The following TANC1 variants were observed in gnomAD, a reference collection of about 807,000 sequenced individuals.
TANC1 encodes the protein protein TANC1.
TANC1 carries 77 observed loss-of-function variants against 149.7 expected under a neutral mutation model. That is an observed-to-expected ratio of 0.51 (90% CI 0.43 to 0.62). The LOEUF (loss-of-function observed/expected upper bound fraction) is 0.62. TANC1 is among the 20% of genes least tolerant of loss of function. The pLI, the probability that TANC1 is intolerant of heterozygous loss-of-function variation, is 0.00. For synonymous variants in TANC1, 854 were observed against 925.0 expected (o/e 0.92, Z 1.39); for missense variants, 1,985 against 2,321.8 (o/e 0.85, Z 2.98).
chr2:158,985,718 A>G (rs1024768181), intron 1 of TANC1, among the ~76,000 whole-genome samples: 1 of 151,772 alleles, frequency 6.6e-6, no homozygotes, highest in Non-Finnish European at 1.5e-5. Context: ...ATCTCGGTTC[A>G]CTACAGCCTC....
Position 159,007,521 on chromosome 2 carries a change from G to T in TANC1, c.-16+6332G>T, listed in dbSNP as rs115819015. Among the ~76,000 whole-genome samples the T allele has an allele frequency of 4.8e-3, 729 of 152,226 alleles. 5 individuals are homozygous for T. The highest frequency in any genetic ancestry group is 0.017 in the African/African-American group (703 of 41,528). On this transcript the variant is annotated intron_variant, in intron 2 of 26. Transcript: ENST00000263635. ...TACTATTGTTTTACAGTTGCCTACA[G>T]TATTCACTACAGTAGCATGCTGTAT...
chr2:159,045,687 T>C (rs578050573), intron 2 of TANC1, among the ~76,000 whole-genome samples: 1 of 152,182 alleles, frequency 6.6e-6, no homozygotes, highest in African/African-American at 2.4e-5. Flanking sequence ...GGAGTAAACT[T>C]ATAAACCTCT....
At chr2:158,989,246 T>G (rs1039671231) in intron 1 of TANC1, among the ~76,000 whole-genome samples, 2 of 152,130 alleles carry the variant, frequency 1.3e-5, no homozygotes, top group African/African-American at 4.8e-5. Flanking sequence ...AGGTCGCTCA[T>G]GCCTATAATT....
At chr2:159,006,701 G>A (rs186147875) in intron 2 of TANC1, among the ~76,000 whole-genome samples, 204 of 152,278 alleles carry the variant, frequency 1.3e-3, no homozygotes, top group Middle Eastern at 3.4e-3. Flanking sequence ...ATCTAGAAGA[G>A]GAGACCCACA....
At chr2:159,207,721 AAAAAAAC>A (rs1259641323) in intron 19 of TANC1, among the ~76,000 whole-genome samples, 27 of 145,440 alleles carry the variant, frequency 1.9e-4, no homozygotes, top group African/African-American at 6.5e-4. Context: ...AAAAAAAAAA[AAAAAAAC>A]AACTCAGACT....
intron 2 of TANC1, among the ~76,000 whole-genome samples, chr2:159,011,344 A>C (rs553276937): frequency 3.9e-5 from 6 of 152,084 alleles, no homozygotes; most frequent in Non-Finnish European, 5.9e-5. Context: ...ACAAAAAAAA[A>C]CCTTTTTTAA....
chr2:159,099,327 CTT>C (rs2046431884), intron 4 of TANC1, among the ~76,000 whole-genome samples: 2 of 152,082 alleles, frequency 1.3e-5, no homozygotes, highest in Admixed American at 1.3e-4. Context: ...TGCTGTATCT[CTT>C]TGTCACATTT....
intron 5 of TANC1, 101 bp from the exon 6 acceptor site, chr2:159,149,041 C>CA (rs2052472451): frequency 7.3e-7 from 1 of 1,377,708 alleles, no homozygotes; most frequent in Non-Finnish European, 9.8e-7. Context: ...TATAGAAACA[C>CA]ACAAAATCAC....
In TANC1 at chr2:159,001,819, T is replaced by C. The variant is rs1278107999; in HGVS notation, c.-16+630T>C. Reference sequence around the variant, plus strand: ...GATCCTCACACTCCAAAGCCCTTGCTTGTAATTGTTAGGGAATTGAACAGT... The same window carrying C: ...GATCCTCACACTCCAAAGCCCTTGCCTGTAATTGTTAGGGAATTGAACAGT... On this transcript the variant is annotated intron_variant, in intron 2 of 26. Transcript: ENST00000263635. This position sits in a 1 kb window ranked among gnomAD's most constrained non-coding sequence, Gnocchi z 4.3. Among the ~76,000 whole-genome samples the C allele has an allele frequency of 7.2e-5, 11 of 152,118 alleles. No individual in the cohort carries two copies. The highest frequency in any genetic ancestry group is 7.2e-4 in the Admixed American group (11 of 15,268).
intron 2 of TANC1, among the ~76,000 whole-genome samples, chr2:159,013,007 G>A (rs947505795): frequency 1.3e-5 from 2 of 152,044 alleles, no homozygotes; most frequent in African/African-American, 2.4e-5. Context: ...ATATTAGGGG[G>A]ATGTATGTGT....
At chr2:159,228,188 G>T (rs373832901) in intron 25 of TANC1, 17 of 532,896 alleles carry the variant, frequency 3.2e-5, no homozygotes, top group Non-Finnish European at 5.2e-5. Context: ...CTTGGGTTTC[G>T]TTTCCTTGGC....
chr2:159,154,308 G>T (rs1440241564), intron 7 of TANC1, among the ~76,000 whole-genome samples: 1 of 152,200 alleles, frequency 6.6e-6, no homozygotes, highest in South Asian at 2.1e-4. Flanking sequence ...TTCGCATCAT[G>T]TTGGTTATAT....
intron 2 of TANC1, among the ~76,000 whole-genome samples, chr2:159,054,379 C>T (rs1263007662): frequency 1.3e-5 from 2 of 152,150 alleles, no homozygotes; most frequent in Admixed American, 6.5e-5. Context: ...ATAAGGGGTG[C>T]TGGCTGCACA....
At chr2:159,198,247 C>T (rs2058009194) in intron 18 of TANC1, among the ~76,000 whole-genome samples, 1 of 152,254 alleles carries the variant, frequency 6.6e-6, no homozygotes, top group Admixed American at 6.5e-5. Context: ...TTCATAATCA[C>T]ATCTGCAATT....
intron 3 of TANC1, among the ~76,000 whole-genome samples, chr2:159,096,212 T>C (rs11692042): frequency 0.25 from 37,770 of 151,756 alleles, 5,984 homozygotes; most frequent in Non-Finnish European, 0.37. Flanking sequence ...TCTTAGTACA[T>C]ACTAACGAGC....
intron 19 of TANC1, among the ~76,000 whole-genome samples, chr2:159,206,895 C>G (rs991988934): frequency 6.6e-6 from 1 of 152,010 alleles, no homozygotes; most frequent in South Asian, 2.1e-4. Context: ...GGTGTGTAAC[C>G]CAGCCTTCCA....
At chr2:159,114,149 G>A (rs990425361) in intron 4 of TANC1, among the ~76,000 whole-genome samples, 1 of 152,186 alleles carries the variant, frequency 6.6e-6, no homozygotes, top group Non-Finnish European at 1.5e-5. Context: ...TTTTAGAGGA[G>A]TGTGAAAAGC....
intron 8 of TANC1, among the ~76,000 whole-genome samples, chr2:159,163,944 A>AT (rs1333064415): frequency 6.6e-6 from 1 of 152,154 alleles, no homozygotes; most frequent in Non-Finnish European, 1.5e-5. Flanking sequence ...TTACAAACTT[A>AT]TTTTTGTCTA....
chr2:159,146,037 T>C (rs1207942870), intron 5 of TANC1, among the ~76,000 whole-genome samples: 3 of 152,212 alleles, frequency 2.0e-5, no homozygotes, highest in African/African-American at 7.2e-5. Context: ...GGTGCTTTTG[T>C]AGTAACTAGC....
Sources: gnomAD v4.1 joint callset for allele counts (sites outside exome capture counted in the v4.1 genomes callset) on GRCh38, gnomAD v4.1.1 for gene constraint, Gnocchi (gnomAD v3.1) non-coding constraint, MANE v1.5 for transcripts, NCBI Gene and HGNC (gene_info 2026-07-23, HGNC 2026-07-21) for gene names.